Variants in CCNY observed in about 807,000 individuals in gnomAD.
The protein encoded by CCNY is cyclin-Y.
Under a neutral mutation model 42.8 loss-of-function variants are expected in CCNY, and 19 were observed. The ratio of observed to expected loss-of-function variants is 0.44; its 90% CI spans 0.31 to 0.65. CCNY has a LOEUF of 0.65. Ranked by LOEUF, CCNY falls within the 30% of genes least tolerant of loss-of-function variation. CCNY has a pLI of 0.07. For missense variants in CCNY, 370 were observed against 437.3 expected (o/e 0.85, Z 1.37); for synonymous variants, 165 against 162.7 (o/e 1.01, Z -0.11).
intron 3 of CCNY, among the ~76,000 whole-genome samples, chr10:35,299,504 T>C (rs2135071697): frequency 6.6e-6 from 1 of 152,370 alleles, no homozygotes; most frequent in Admixed American, 6.5e-5. Context: ...TGATAGTTTA[T>C]CATTGTGAAA....
Position 35,569,194 on chromosome 10 carries a change from C to T in CCNY, c.*24C>T, listed in dbSNP as rs1186340122. ...AACTACGGAGGCCCGCCGGAGGCCACACCATCCCTTAGTTTCTCCTTTAGT... is the reference window on the plus strand; with the variant it reads ...AACTACGGAGGCCCGCCGGAGGCCATACCATCCCTTAGTTTCTCCTTTAGT... On this transcript the variant is annotated 3_prime_UTR_variant, in exon 10 of 10. Coordinates refer to ENST00000374704, the MANE Select transcript of CCNY (RefSeq NM_145012.6). 1.5e-6 allele frequency: 2 copies of T among 1,323,534 alleles called. No individual in the cohort carries two copies. The highest frequency in any genetic ancestry group is 2.3e-5 in the East Asian group (1 of 43,502). The allele number at this position is 1,323,534 out of a possible 1,614,324, so 82.0% of individuals were successfully genotyped here.
intron 1 of CCNY, among the ~76,000 whole-genome samples, chr10:35,456,639 A>G (rs1156287499): frequency 6.6e-6 from 1 of 152,230 alleles, no homozygotes; most frequent in Non-Finnish European, 1.5e-5. Flanking sequence ...TTAGTTATGC[A>G]TCACATTTCC....
chr10:35,522,674 T>A (rs1840572933), intron 4 of CCNY, among the ~76,000 whole-genome samples: 1 of 152,188 alleles, frequency 6.6e-6, no homozygotes, highest in Admixed American at 6.5e-5. Context: ...ACAACAGCTC[T>A]GTGTGGCCGA....
At chr10:35,360,725 TAATATG>T (rs1020940943) in intron 1 of CCNY, among the ~76,000 whole-genome samples, 9 of 152,172 alleles carry the variant, frequency 5.9e-5, no homozygotes, top group Admixed American at 4.6e-4. Context: ...ATTTTAATAT[TAATATG>T]AACATTAATA....
At chr10:35,270,655 C>T (rs1392204684) in intron 3 of CCNY, among the ~76,000 whole-genome samples, 1 of 151,890 alleles carries the variant, frequency 6.6e-6, no homozygotes, top group African/African-American at 2.4e-5. Context: ...TTTTTTGTTG[C>T]TCTAACTTCA....
chr10:35,411,125 A>T (rs1481897243), intron 1 of CCNY, among the ~76,000 whole-genome samples: 1 of 152,172 alleles, frequency 6.6e-6, no homozygotes, highest in Non-Finnish European at 1.5e-5. Flanking sequence ...GACTCAGACG[A>T]CAAAAAGGTG....
intron 3 of CCNY, among the ~76,000 whole-genome samples, chr10:35,261,155 T>C (rs775197369): frequency 4.6e-5 from 7 of 151,536 alleles, no homozygotes; most frequent in Non-Finnish European, 8.8e-5. Context: ...CTTTGGCAGG[T>C]TGAGGAAGGA....
chr10:35,338,475 C>G (rs774593153), intron 1 of CCNY, among the ~76,000 whole-genome samples: 1 of 152,140 alleles, frequency 6.6e-6, no homozygotes, highest in Non-Finnish European at 1.5e-5. Flanking sequence ...TAAACATACG[C>G]TTAGATGTCT....
chr10:35,262,941 C>T (rs983622531), intron 3 of CCNY, among the ~76,000 whole-genome samples: 2 of 150,394 alleles, frequency 1.3e-5, no homozygotes, highest in African/African-American at 2.4e-5. Context: ...AAAAAGGTCA[C>T]GTGTGGTGGC....
chr10:35,344,600 G>C (rs1214474646), intron 1 of CCNY, among the ~76,000 whole-genome samples: 1 of 152,022 alleles, frequency 6.6e-6, no homozygotes, highest in Non-Finnish European at 1.5e-5. Flanking sequence ...TATACTTTAA[G>C]TTTTAGGGTA....
intron 1 of CCNY, among the ~76,000 whole-genome samples, chr10:35,402,818 G>T: frequency 6.6e-6 from 1 of 152,146 alleles, no homozygotes; most frequent in East Asian, 1.9e-4. Flanking sequence ...GCAATTTGAG[G>T]TAAAACCAGG....
intron 1 of CCNY, among the ~76,000 whole-genome samples, chr10:35,454,354 C>T (rs573569047): frequency 2.6e-5 from 4 of 152,288 alleles, no homozygotes; most frequent in East Asian, 3.9e-4. Context: ...GGAAAGACTC[C>T]GCCGTAGCGG....
intron 7 of CCNY, among the ~76,000 whole-genome samples, chr10:35,537,108 A>G (rs1001849039): frequency 1.3e-5 from 2 of 152,192 alleles, no homozygotes; most frequent in East Asian, 1.9e-4. Flanking sequence ...CACTCCAGTC[A>G]TAACTAAAAG....
intron 1 of CCNY, among the ~76,000 whole-genome samples, chr10:35,338,366 A>G (rs961844070): frequency 6.6e-6 from 1 of 152,244 alleles, no homozygotes; most frequent in South Asian, 2.1e-4. Flanking sequence ...AGTGCCATGT[A>G]TAAAGGGAGT....
chr10:35,434,139 A>G (rs1838473870), intron 1 of CCNY: 1 of 152,236 alleles, frequency 6.6e-6, no homozygotes, highest in Non-Finnish European at 1.5e-5. Context: ...GACATGTAGC[A>G]TGAAGGCGGA....
intron 3 of CCNY, among the ~76,000 whole-genome samples, chr10:35,252,534 C>A (rs2095712670): frequency 7.1e-6 from 1 of 140,566 alleles, no homozygotes; most frequent in African/African-American, 2.7e-5. Context: ...CCACTGCACT[C>A]CAGCCTGGGT....
chr10:35,366,343 T>G (rs562672126), intron 1 of CCNY, among the ~76,000 whole-genome samples: 1 of 152,362 alleles, frequency 6.6e-6, no homozygotes, highest in South Asian at 2.1e-4. Context: ...TTTCTAATTC[T>G]GAGTTGAATC....
rs1265362420 is a variant in CCNY at position 35,530,889 on chromosome 10, T to C, written c.579+646T>C. ...GAGTTTGAGACCAGTCTGGACAACA[T>C]AGTGAAACCCCGACTCTACAAAATT... On this transcript the variant is annotated intron_variant, in intron 7 of 9. Coordinates refer to ENST00000374704, the MANE Select transcript of CCNY (RefSeq NM_145012.6). This position sits in a 1 kb window ranked among gnomAD's most constrained non-coding sequence, Gnocchi z 4.3. Among the ~76,000 whole-genome samples the C allele has an allele frequency of 6.6e-6, 1 of 152,076 alleles. No homozygotes were observed. Among genetic ancestry groups the C allele is most frequent in the Non-Finnish European group, 1.5e-5 (1 of 68,022 alleles).
intron 3 of CCNY, among the ~76,000 whole-genome samples, chr10:35,330,639 A>C (rs1433945076): frequency 6.6e-6 from 1 of 152,246 alleles, no homozygotes; most frequent in African/African-American, 2.4e-5. Flanking sequence ...AAGCTTACAC[A>C]GGGACATTAT....
Sources: allele counts gnomAD v4.1 joint callset (sites outside exome capture counted in the v4.1 genomes callset), GRCh38; gene constraint gnomAD v4.1.1; non-coding constraint Gnocchi (gnomAD v3.1); transcripts MANE v1.5; gene names NCBI Gene and HGNC (gene_info 2026-07-23, HGNC 2026-07-21).